UBR3: variants seen among roughly 807,000 people sequenced by gnomAD.
UBR3 encodes the protein E3 ubiquitin-protein ligase UBR3.
A neutral mutation model predicts 243.2 loss-of-function variants in UBR3; 85 were observed. That is an observed-to-expected ratio of 0.35 (90% CI 0.29 to 0.42). The LOEUF (loss-of-function observed/expected upper bound fraction) is 0.42. Ranked by LOEUF, UBR3 falls within the 10% of genes least tolerant of loss-of-function variation. The probability of loss-of-function intolerance (pLI) is 1.00; values close to 1 mark genes in which losing one functional copy is unlikely to be tolerated. For synonymous variants in UBR3, 748 were observed against 799.8 expected, an observed-to-expected ratio of 0.94 and a Z score of 1.09; for missense variants, 1,686 against 2,300.8, an observed-to-expected ratio of 0.73 and a Z score of 5.47.
At chr2:170,044,028 A>G (rs1382468885) in intron 32 of UBR3, among the ~76,000 whole-genome samples, 1 of 152,128 alleles carries the variant, frequency 6.6e-6, no homozygotes. Context: ...ATTCCTAGGA[A>G]GTTCAGAGCT....
At chr2:169,941,012 TC>T (rs1222270687) in intron 19 of UBR3, among the ~76,000 whole-genome samples, 3 of 152,204 alleles carry the variant, frequency 2.0e-5, no homozygotes, top group Admixed American at 2.0e-4. Context: ...CATTGTCTGC[TC>T]CTGACATCCA....
intron 23 of UBR3, among the ~76,000 whole-genome samples, chr2:169,952,275 C>G (rs1474169759): frequency 4.6e-5 from 7 of 152,078 alleles, no homozygotes; most frequent in Non-Finnish European, 4.4e-5. Flanking sequence ...AGAGAAGTCA[C>G]AAGAGGAAGT....
chr2:169,868,657 C>T (rs2083334874), intron 1 of UBR3, among the ~76,000 whole-genome samples: 1 of 151,116 alleles, frequency 6.6e-6, no homozygotes, highest in Non-Finnish European at 1.5e-5. Flanking sequence ...GTGTTGTTGT[C>T]ACACCCACAT....
chr2:169,920,102 G>GAT (rs976395945), intron 11 of UBR3, among the ~76,000 whole-genome samples: 4 of 152,130 alleles, frequency 2.6e-5, no homozygotes, highest in Non-Finnish European at 4.4e-5. Context: ...AAACGTGGCA[G>GAT]ATATACGCCA....
intron 30 of UBR3, among the ~76,000 whole-genome samples, chr2:170,025,876 A>T (rs148897841): frequency 1.3e-5 from 2 of 152,288 alleles, no homozygotes; most frequent in Non-Finnish European, 1.5e-5. Context: ...TAAGAGTGTC[A>T]TTCACTCAAA....
chr2:169,840,872 TG>T (rs2082267123), intron 1 of UBR3, among the ~76,000 whole-genome samples: 1 of 152,050 alleles, frequency 6.6e-6, no homozygotes, highest in Non-Finnish European at 1.5e-5. Flanking sequence ...GAACTACAGG[TG>T]GGGTGCAAGG....
chr2:169,903,406 C>T (rs891149518), intron 8 of UBR3, among the ~76,000 whole-genome samples: 4 of 152,200 alleles, frequency 2.6e-5, no homozygotes, highest in African/African-American at 9.6e-5. Flanking sequence ...CAATGGCTCA[C>T]TAGCTCAGAA....
chr2:170,012,463 A>G (rs1479430447), intron 29 of UBR3, among the ~76,000 whole-genome samples: 4 of 152,202 alleles, frequency 2.6e-5, no homozygotes, highest in African/African-American at 9.6e-5. Flanking sequence ...AGATGGAACT[A>G]ATATAACATC....
At chr2:170,010,685 A>G (rs2105407326) in intron 29 of UBR3, among the ~76,000 whole-genome samples, 1 of 152,344 alleles carries the variant, frequency 6.6e-6, no homozygotes, top group South Asian at 2.1e-4. Flanking sequence ...GGAGAAACAG[A>G]GAAAATATAC....
intron 30 of UBR3, among the ~76,000 whole-genome samples, chr2:170,025,014 G>A (rs1416543552): frequency 6.6e-6 from 1 of 152,092 alleles, no homozygotes; most frequent in Non-Finnish European, 1.5e-5. Context: ...CTGCTTCTTG[G>A]TAACTGAACC....
intron 22 of UBR3, 143 bp downstream of exon 22, chr2:169,947,858 A>T: frequency 8.1e-7 from 1 of 1,234,776 alleles, no homozygotes; most frequent in Non-Finnish European, 1.0e-6. Flanking sequence ...CCTCTGATAT[A>T]TCTATGTAAC....
intron 32 of UBR3, among the ~76,000 whole-genome samples, chr2:170,052,939 A>G (rs894757221): frequency 5.3e-5 from 8 of 152,232 alleles, no homozygotes; most frequent in African/African-American, 1.9e-4. Context: ...GCTTATATCA[A>G]AACTACATTG....
chr2:169,962,566 G>A (rs962161495), intron 24 of UBR3, among the ~76,000 whole-genome samples: 6 of 152,028 alleles, frequency 3.9e-5, no homozygotes, highest in African/African-American at 9.7e-5. Flanking sequence ...ATTCTCTTTT[G>A]GGACTCGTAA....
At chr2:170,070,118 C>G (rs13411905) in intron 35 of UBR3, among the ~76,000 whole-genome samples, 10,255 of 152,150 alleles carry the variant, frequency 0.067, 365 homozygotes, top group Non-Finnish European at 0.085. Flanking sequence ...TGATTAATAT[C>G]TTTGCTATTG....
Position 169,932,950 on chromosome 2 carries a change from A to C in UBR3, c.2605A>C (p.Ile869Leu), listed in dbSNP as rs1433063347. ...WDQEFDPVMV[I>L]LRTVYRRDVQ... Reference sequence around the variant, plus strand: ...TCAAGAGTTTGACCCCGTCATGGTCATTCTTCGAACAGTTTACCGTAGAGA... The same window carrying C: ...TCAAGAGTTTGACCCCGTCATGGTCCTTCTTCGAACAGTTTACCGTAGAGA... The change falls in exon 19 of 39, where the codon ATT (isoleucine) becomes CTT (leucine). Residue 869 changes from isoleucine to leucine, a missense_variant. Physicochemically the swap from Ile to Leu is conservative, Grantham distance 5. Transcript: ENST00000272793. The C allele has an allele frequency of 1.3e-6, 2 of 1,542,256 alleles. No homozygotes were observed. The highest frequency in any genetic ancestry group is 1.7e-6 in the Non-Finnish European group (2 of 1,144,602).
chr2:169,855,969 G>A (rs1320274057), intron 1 of UBR3, among the ~76,000 whole-genome samples: 1 of 150,406 alleles, frequency 6.6e-6, no homozygotes, highest in Non-Finnish European at 1.5e-5. Context: ...GGCTGGCCGG[G>A]CGGGGGCTGC....
intron 35 of UBR3, among the ~76,000 whole-genome samples, chr2:170,066,679 G>A (rs538357279): frequency 1.6e-4 from 25 of 152,078 alleles, no homozygotes; most frequent in South Asian, 1.2e-3. Context: ...TTTAAACTTC[G>A]TTATAGGCTG....
rs547081962 is a variant in UBR3, at chr2:170,076,458, C to G, written c.5199+2851C>G. Among the ~76,000 whole-genome samples, 4 of 152,268 alleles carry G rather than the reference C, an allele frequency of 2.6e-5. No homozygotes were observed. The South Asian group carries it at 6.2e-4, about 24-fold the overall frequency. ...AAGCAACCTGATGTCACATATAGTCCTTACATCATCAGGCCTCTCTGCATC... is the reference window on the plus strand; with the variant it reads ...AAGCAACCTGATGTCACATATAGTCGTTACATCATCAGGCCTCTCTGCATC... On this transcript the variant is annotated intron_variant, in intron 36 of 38. Coordinates refer to ENST00000272793, the MANE Select transcript of UBR3 (RefSeq NM_172070.4).
chr2:169,969,088 T>C (rs1315131599), intron 24 of UBR3, among the ~76,000 whole-genome samples: 3 of 152,366 alleles, frequency 2.0e-5, no homozygotes, highest in East Asian at 3.9e-4. Flanking sequence ...ATTCTAGTTA[T>C]TAATCCTTTG....
Sources: allele counts gnomAD v4.1 joint callset (sites outside exome capture counted in the v4.1 genomes callset), GRCh38; gene constraint gnomAD v4.1.1; transcripts MANE v1.5; gene names NCBI Gene and HGNC (gene_info 2026-07-23, HGNC 2026-07-21).